Variants in EEPD1 observed in about 807,000 individuals in gnomAD.
The protein encoded by EEPD1 is endonuclease/exonuclease/phosphatase family domain containing 1.
A neutral mutation model predicts 46.3 loss-of-function variants in EEPD1; 17 were observed. The ratio of observed to expected loss-of-function variants is 0.37; its 90% CI spans 0.25 to 0.55. The LOEUF is 0.55. Ranked by LOEUF, EEPD1 falls within the 20% of genes least tolerant of loss-of-function variation. EEPD1 has a pLI of 0.83. For missense variants in EEPD1, 673 were observed against 745.6 expected (o/e 0.90, Z 1.13); for synonymous variants, 313 against 315.6 (o/e 0.99, Z 0.09).
chr7:36,222,635 A>G (rs1786164942), intron 2 of EEPD1, among the ~76,000 whole-genome samples: 1 of 152,142 alleles, frequency 6.6e-6, no homozygotes, highest in Non-Finnish European at 1.5e-5. Flanking sequence ...AACAAAAGAC[A>G]TTTATTTCTT....
chr7:36,244,041 G>C (rs1786598626), intron 3 of EEPD1, among the ~76,000 whole-genome samples: 1 of 151,880 alleles, frequency 6.6e-6, no homozygotes, highest in African/African-American at 2.4e-5. Context: ...AAAACTTAAA[G>C]TATAATAATA....
chr7:36,218,567 C>T lies in EEPD1; in HGVS notation c.879-20418C>T, dbSNP rs142833520. Among the ~76,000 whole-genome samples the T allele has an allele frequency of 8.1e-3, 1,228 of 152,228 alleles. 5 individuals are homozygous for T. Among genetic ancestry groups the T allele is most frequent in the Middle Eastern group, 0.017 (5 of 294 alleles). On this transcript the variant is annotated intron_variant, in intron 2 of 7. Transcript: ENST00000242108. ...GATGGGAAGCATCTGCAGATGAAGACGCTGAGCAAAGGGAGGGTTCACATC... is the reference window on the plus strand; with the variant it reads ...GATGGGAAGCATCTGCAGATGAAGATGCTGAGCAAAGGGAGGGTTCACATC...
intron 2 of EEPD1, among the ~76,000 whole-genome samples, chr7:36,158,337 A>G (rs1016983858): frequency 2.7e-5 from 2 of 75,280 alleles, no homozygotes; most frequent in Non-Finnish European, 5.4e-5. Flanking sequence ...CACTTGCTAA[A>G]TTGTGAGCCA....
At chr7:36,158,563 G>A (rs1784859120) in intron 2 of EEPD1, among the ~76,000 whole-genome samples, 1 of 152,138 alleles carries the variant, frequency 6.6e-6, no homozygotes, top group African/African-American at 2.4e-5. Flanking sequence ...TGAGGCGTGA[G>A]GTAGGACAGC....
intron 2 of EEPD1, among the ~76,000 whole-genome samples, chr7:36,234,139 G>A (rs890137877): frequency 3.3e-5 from 5 of 152,024 alleles, no homozygotes; most frequent in Non-Finnish European, 7.4e-5. Flanking sequence ...GGCTGGTCTC[G>A]AAGTCCTGAC....
intron 3 of EEPD1, among the ~76,000 whole-genome samples, chr7:36,269,939 A>T (rs564700977): frequency 1.3e-4 from 20 of 152,324 alleles, no homozygotes; most frequent in East Asian, 5.8e-4. Flanking sequence ...TAGTGATTAG[A>T]AATGAACCTC....
chr7:36,221,655 G>C (rs1306034302), intron 2 of EEPD1, among the ~76,000 whole-genome samples: 1 of 152,122 alleles, frequency 6.6e-6, no homozygotes, highest in East Asian at 1.9e-4. Context: ...ATACCAGTGT[G>C]ATTTTGAGGA....
chr7:36,196,781 G>A (rs923170213), intron 2 of EEPD1, among the ~76,000 whole-genome samples: 19 of 152,194 alleles, frequency 1.2e-4, no homozygotes, highest in East Asian at 5.8e-4. Flanking sequence ...CCTCCCAGCC[G>A]CCTGCCTTGG....
At chr7:36,245,400 G>A (rs1046085281) in intron 3 of EEPD1, among the ~76,000 whole-genome samples, 10 of 152,120 alleles carry the variant, frequency 6.6e-5, no homozygotes, top group Non-Finnish European at 1.5e-4. Context: ...ATCAAATCAC[G>A]TGTTCTGGGA....
At chr7:36,294,291 T>C (rs1787490203) in intron 6 of EEPD1, among the ~76,000 whole-genome samples, 1 of 152,128 alleles carries the variant, frequency 6.6e-6, no homozygotes, top group Non-Finnish European at 1.5e-5. Flanking sequence ...CATCTAGTAC[T>C]CACTCAAATA....
chr7:36,194,736 G>A (rs2115685623), intron 2 of EEPD1, among the ~76,000 whole-genome samples: 1 of 152,292 alleles, frequency 6.6e-6, no homozygotes, highest in Non-Finnish European at 1.5e-5. Flanking sequence ...CATGGGAGGT[G>A]GTTGGAGAGG....
intron 3 of EEPD1, among the ~76,000 whole-genome samples, chr7:36,271,041 C>T (rs1787094275): frequency 6.6e-6 from 1 of 151,846 alleles, no homozygotes; most frequent in African/African-American, 2.4e-5. Context: ...GGCTGGAGTG[C>T]AGTGGCGCAA....
intron 2 of EEPD1, among the ~76,000 whole-genome samples, chr7:36,216,678 T>C (rs11972561): frequency 7.4e-4 from 112 of 152,362 alleles, no homozygotes; most frequent in African/African-American, 2.5e-3. Flanking sequence ...AAAAGACTTA[T>C]TAAATTATAG....
chr7:36,163,397 G>A (rs1784931012), intron 2 of EEPD1, among the ~76,000 whole-genome samples: 1 of 152,120 alleles, frequency 6.6e-6, no homozygotes, highest in African/African-American at 2.4e-5. Flanking sequence ...CTTGGTGGTA[G>A]AGGTTGTGCT....
At chr7:36,256,116 C>T (rs539192656) in intron 3 of EEPD1, among the ~76,000 whole-genome samples, 99 of 152,170 alleles carry the variant, frequency 6.5e-4, no homozygotes, top group Non-Finnish European at 1.1e-3. Flanking sequence ...TTGTTCAGTT[C>T]CCATGTAGCT....
intron 2 of EEPD1, among the ~76,000 whole-genome samples, chr7:36,180,852 CCCA>C (rs1342292073): frequency 2.0e-5 from 3 of 151,970 alleles, no homozygotes; most frequent in Non-Finnish European, 2.9e-5. Context: ...GCTCAGGCCC[CCCA>C]CCCCCTCATC....
At chr7:36,232,840 T>C (rs1786360165) in intron 2 of EEPD1, among the ~76,000 whole-genome samples, 1 of 151,896 alleles carries the variant, frequency 6.6e-6, no homozygotes, top group African/African-American at 2.4e-5. Flanking sequence ...TCAGAGTCAG[T>C]TGAAGTTATT....
At chr7:36,293,746 C>A (rs138191434) in intron 6 of EEPD1, among the ~76,000 whole-genome samples, 9,304 of 152,156 alleles carry the variant, frequency 0.061, 970 homozygotes, top group African/African-American at 0.21. Context: ...GACAGATCAC[C>A]TGAGGTCAGG....
At position 36,221,357 on chromosome 7, in the gene EEPD1, C is replaced by T. The variant is rs151126909; in HGVS notation, c.879-17628C>T. Among the ~76,000 whole-genome samples, 91 of 152,278 alleles carry T rather than the reference C, an allele frequency of 6.0e-4. 1 individual carries two copies. In the East Asian group the frequency reaches 0.011, roughly 18 times the overall value. On this transcript the variant is annotated intron_variant, in intron 2 of 7. Coordinates refer to ENST00000242108, the MANE Select transcript of EEPD1 (RefSeq NM_030636.3). ...TGCTTATTATCTGTGTATCTTTTTACTTTTAGCTTTAGAAGATGGAGAGCA... is the reference window on the plus strand; with the variant it reads ...TGCTTATTATCTGTGTATCTTTTTATTTTTAGCTTTAGAAGATGGAGAGCA...
Sources: allele counts gnomAD v4.1 joint callset (sites outside exome capture counted in the v4.1 genomes callset), GRCh38; gene constraint gnomAD v4.1.1; transcripts MANE v1.5; gene names NCBI Gene and HGNC (gene_info 2026-07-23, HGNC 2026-07-21).